CAMK4: variants seen among roughly 807,000 people sequenced by gnomAD.
CAMK4 encodes calcium/calmodulin-dependent protein kinase type IV.
A neutral mutation model predicts 44.9 loss-of-function variants in CAMK4; 22 were observed. The observed-to-expected ratio is 0.49, with a 90% CI of 0.35 to 0.70. CAMK4 has a LOEUF of 0.70. Among genes scored for constraint, CAMK4 ranks in the 30% least tolerant of loss-of-function variants. The pLI, the probability that CAMK4 is intolerant of heterozygous loss-of-function variation, is 0.01. For missense variants in CAMK4, 498 were observed against 586.8 expected, an observed-to-expected ratio of 0.85 and a Z score of 1.56; for synonymous variants, 218 against 215.4, an observed-to-expected ratio of 1.01 and a Z score of -0.11.
intron 5 of CAMK4, among the ~76,000 whole-genome samples, chr5:111,445,326 A>C (rs1753986852): frequency 1.3e-5 from 2 of 152,210 alleles, no homozygotes; most frequent in African/African-American, 4.8e-5. Context: ...GCCACCTAAA[A>C]ATTGTATTAA....
At chr5:111,331,364 A>C (rs1749161780) in intron 1 of CAMK4, among the ~76,000 whole-genome samples, 1 of 151,740 alleles carries the variant, frequency 6.6e-6, no homozygotes, top group African/African-American at 2.4e-5. Context: ...TGGAAATGTA[A>C]ATTAAATCAC....
intron 2 of CAMK4, among the ~76,000 whole-genome samples, chr5:111,346,159 A>G (rs1198366367): frequency 1.3e-5 from 2 of 151,930 alleles, no homozygotes; most frequent in South Asian, 2.1e-4. Context: ...CCTTGTCTAA[A>G]GGAAATGAAT....
chr5:111,465,863 A>T (rs1754809205), intron 7 of CAMK4, among the ~76,000 whole-genome samples: 2 of 152,208 alleles, frequency 1.3e-5, no homozygotes, highest in South Asian at 4.1e-4. Flanking sequence ...AGCCAGTATC[A>T]CCCTAATATC....
chr5:111,300,151 T>C (rs1747659743), intron 1 of CAMK4, among the ~76,000 whole-genome samples: 1 of 152,228 alleles, frequency 6.6e-6, no homozygotes, highest in East Asian at 1.9e-4. Flanking sequence ...ATGAAGTTAA[T>C]TGAAATCACA....
chr5:111,372,281 G>T (rs935152853), intron 2 of CAMK4, among the ~76,000 whole-genome samples: 2 of 152,060 alleles, frequency 1.3e-5, no homozygotes, highest in Non-Finnish European at 2.9e-5. Context: ...ACTATTTGAG[G>T]GAACCAAGCC....
chr5:111,373,240 A>G (rs144921323), intron 2 of CAMK4, among the ~76,000 whole-genome samples: 2 of 152,210 alleles, frequency 1.3e-5, no homozygotes, highest in African/African-American at 4.8e-5. Flanking sequence ...TTAATGTTTT[A>G]TTGCGTATAC....
intron 7 of CAMK4, among the ~76,000 whole-genome samples, chr5:111,472,794 C>T (rs1006783164): frequency 6.6e-6 from 1 of 152,132 alleles, no homozygotes; most frequent in African/African-American, 2.4e-5. Context: ...CACCTCCTAG[C>T]TCCTGCTGCA....
Position 111,459,686 on chromosome 5 carries a change from CTTTTTTTTTT to C in CAMK4, c.625+10500_625+10509del, listed in dbSNP as rs56176713. 1.8e-4 allele frequency among the ~76,000 whole-genome samples: 16 copies of C among 86,682 alleles called. No homozygotes were observed. In the South Asian group the frequency reaches 1.9e-3, roughly 11 times the overall value. The allele number at this position is 86,682 out of a possible 152,430, so 56.9% of individuals were successfully genotyped here. ...TGTTCTCTTTGAGTTTAGAGACAGT[CTTTTTTTTTT>C]TTTTTTTTTTTTTTTTGAGACGGAG... On this transcript the variant is annotated intron_variant, in intron 7 of 10. Coordinates refer to ENST00000282356, the MANE Select transcript of CAMK4 (RefSeq NM_001744.6).
At chr5:111,337,886 A>G (rs1749474481) in intron 1 of CAMK4, among the ~76,000 whole-genome samples, 1 of 151,134 alleles carries the variant, frequency 6.6e-6, no homozygotes, top group South Asian at 2.1e-4. Context: ...TTTTGGAGCA[A>G]TGTTATGTGT....
At chr5:111,414,631 T>C (rs1460981940) in intron 5 of CAMK4, among the ~76,000 whole-genome samples, 1 of 152,202 alleles carries the variant, frequency 6.6e-6, no homozygotes, top group East Asian at 1.9e-4. Flanking sequence ...ATGATTGTGT[T>C]CTTGGAAAAA....
chr5:111,463,882 C>T (rs1754728946), intron 7 of CAMK4, among the ~76,000 whole-genome samples: 1 of 152,014 alleles, frequency 6.6e-6, no homozygotes. Context: ...ACATAGTCCA[C>T]CCAAATGAGA....
At chr5:111,287,293 A>G (rs366982) in intron 1 of CAMK4, among the ~76,000 whole-genome samples, 1 of 152,026 alleles carries the variant, frequency 6.6e-6, no homozygotes, top group East Asian at 1.9e-4. Context: ...TCAAGCCAGA[A>G]GAGACAGGAT....
intron 1 of CAMK4, among the ~76,000 whole-genome samples, chr5:111,269,071 G>T (rs774385964): frequency 1.2e-4 from 18 of 152,162 alleles, no homozygotes; most frequent in Admixed American, 3.9e-4. Flanking sequence ...TGGTTTAAAA[G>T]TATTTTGATA....
chr5:111,257,626 C>T (rs1749796665), intron 1 of CAMK4, among the ~76,000 whole-genome samples: 1 of 152,156 alleles, frequency 6.6e-6, no homozygotes, highest in Admixed American at 6.5e-5. Flanking sequence ...TACCATTAGA[C>T]TCAGAAATCC....
intron 5 of CAMK4, among the ~76,000 whole-genome samples, chr5:111,426,464 C>T (rs975579719): frequency 6.6e-6 from 1 of 152,100 alleles, no homozygotes; most frequent in Non-Finnish European, 1.5e-5. Flanking sequence ...AAAGATGGTG[C>T]ACCGATCATC....
In CAMK4 at chr5:111,492,687, TC is replaced by T; in HGVS notation, c.*8223del. 6.6e-6 allele frequency: 1 copy of T among 152,320 alleles called. No homozygotes were observed. The highest frequency in any genetic ancestry group is 3.4e-3 in the Middle Eastern group (1 of 294). The allele number at this position is 152,320 out of a possible 1,614,324, so 9.4% of individuals were successfully genotyped here. A position where few individuals can be genotyped will look rare whatever the true frequency, so the allele number is the denominator to read the frequency against. The stretch of plus-strand genomic sequence containing the variant: ...TTGAAGCTTCCCAGGAGCAGCCCCC[TC>T]CAGGAACAATTTTCCCTGTGAACTT... On this transcript the variant is annotated 3_prime_UTR_variant, in exon 11 of 11. Coordinates refer to ENST00000282356, the MANE Select transcript of CAMK4 (RefSeq NM_001744.6).
intron 1 of CAMK4, among the ~76,000 whole-genome samples, chr5:111,254,779 G>C (rs952875783): frequency 2.6e-5 from 4 of 152,126 alleles, no homozygotes; most frequent in African/African-American, 9.7e-5. Flanking sequence ...GCCTTTCTGT[G>C]AGTGATGGTG....
chr5:111,326,654 GTC>G (rs74469589), intron 1 of CAMK4, among the ~76,000 whole-genome samples: 16 of 148,576 alleles, frequency 1.1e-4, no homozygotes, highest in Admixed American at 9.4e-4. Flanking sequence ...TGCTTTGCGT[GTC>G]TCTCTGTGTG....
intron 7 of CAMK4, among the ~76,000 whole-genome samples, chr5:111,457,762 A>G (rs562202017): frequency 6.6e-6 from 1 of 152,362 alleles, no homozygotes; most frequent in Admixed American, 6.5e-5. Context: ...CACAAAAGGC[A>G]TAGTGTTTGT....
Sources: allele counts gnomAD v4.1 joint callset (sites outside exome capture counted in the v4.1 genomes callset), GRCh38; gene constraint gnomAD v4.1.1; transcripts MANE v1.5; gene names NCBI Gene and HGNC (gene_info 2026-07-23, HGNC 2026-07-21).